The following LPP variants were observed in gnomAD, a reference collection of about 807,000 sequenced individuals.
The protein encoded by LPP is lipoma-preferred partner.
In LPP, 38 loss-of-function variants were observed where a neutral mutation model predicts 60.4. That is an observed-to-expected ratio of 0.63 (90% CI 0.49 to 0.83). The LOEUF is 0.83. LPP is among the 40% of genes least tolerant of loss of function. The pLI is 0.00. For missense variants in LPP, 902 were observed against 783.6 expected, an observed-to-expected ratio of 1.15 and a Z score of -1.80; for synonymous variants, 328 against 290.8, an observed-to-expected ratio of 1.13 and a Z score of -1.30.
chr3:188,866,692 A>AAATATG (rs1455352417), intron 10 of LPP, among the ~76,000 whole-genome samples: 2 of 152,192 alleles, frequency 1.3e-5, no homozygotes, highest in Non-Finnish European at 2.9e-5. Flanking sequence ...ATCCTGGCCT[A>AAATATG]AATATGAACA....
rs1452779042 is a variant in LPP at position 188,607,000 on chromosome 3, G to T, written c.430-2161G>T. ...GCCCCAAGAAAGCAGTTCAAAATTTGCATAGTTTGAAATTGAAAACCAATA... is the reference window on the plus strand; with the variant it reads ...GCCCCAAGAAAGCAGTTCAAAATTTTCATAGTTTGAAATTGAAAACCAATA... On this transcript the variant is annotated intron_variant, in intron 6 of 11. Transcript: ENST00000617246. Among the ~76,000 whole-genome samples the T allele has an allele frequency of 2.6e-5, 4 of 151,946 alleles. 1 individual carries two copies. Among genetic ancestry groups the T allele is most frequent in the Admixed American group, 1.3e-4 (2 of 15,234 alleles).
intron 8 of LPP, among the ~76,000 whole-genome samples, chr3:188,730,833 ACTT>A (rs1304553603): frequency 6.6e-6 from 1 of 152,064 alleles, no homozygotes; most frequent in African/African-American, 2.4e-5. Flanking sequence ...GCTTTTTCTG[ACTT>A]CTAAAAACTG....
intron 7 of LPP, among the ~76,000 whole-genome samples, chr3:188,692,155 A>G (rs1043428780): frequency 1.3e-5 from 2 of 152,142 alleles, no homozygotes; most frequent in African/African-American, 4.8e-5. Context: ...CACCACAGCC[A>G]CGTTGATCCT....
chr3:188,527,660 CA>C (rs1000428512), intron 6 of LPP, among the ~76,000 whole-genome samples: 1 of 151,886 alleles, frequency 6.6e-6, no homozygotes, highest in Non-Finnish European at 1.5e-5. Context: ...GCAAATGCCC[CA>C]AATCTCATCT....
At chr3:188,369,787 T>C (rs1772448319) in intron 3 of LPP, among the ~76,000 whole-genome samples, 1 of 152,176 alleles carries the variant, frequency 6.6e-6, no homozygotes, top group Non-Finnish European at 1.5e-5. Context: ...TTCTTGGGCA[T>C]GTCCTTTCCC....
At chr3:188,773,592 C>T (rs1298338877) in intron 9 of LPP, among the ~76,000 whole-genome samples, 1 of 152,136 alleles carries the variant, frequency 6.6e-6, no homozygotes, top group Non-Finnish European at 1.5e-5. Context: ...TTACTTTACA[C>T]ACTCTTTAAT....
intron 6 of LPP, among the ~76,000 whole-genome samples, chr3:188,558,170 G>A (rs549076545): frequency 6.6e-6 from 1 of 152,062 alleles, no homozygotes; most frequent in Admixed American, 6.6e-5. Flanking sequence ...CCTCATTCTG[G>A]ATAAACTGAT....
chr3:188,335,959 A>G (rs897234580), intron 2 of LPP, among the ~76,000 whole-genome samples: 1 of 152,192 alleles, frequency 6.6e-6, no homozygotes, highest in African/African-American at 2.4e-5. Context: ...GAATAGATGC[A>G]GTGATAGGGT....
intron 3 of LPP, among the ~76,000 whole-genome samples, chr3:188,353,471 T>A (rs1342892165): frequency 6.6e-6 from 1 of 152,250 alleles, no homozygotes; most frequent in Non-Finnish European, 1.5e-5. Flanking sequence ...CTGTCTATTA[T>A]TATCCTTATT....
At chr3:188,862,043 C>T (rs1184438998) in intron 9 of LPP, among the ~76,000 whole-genome samples, 1 of 152,184 alleles carries the variant, frequency 6.6e-6, no homozygotes, top group Non-Finnish European at 1.5e-5. Context: ...TTACCAATTA[C>T]TTACTGTGTG....
At chr3:188,253,226 T>C (rs1730545881) in intron 2 of LPP, among the ~76,000 whole-genome samples, 1 of 152,178 alleles carries the variant, frequency 6.6e-6, no homozygotes, top group South Asian at 2.1e-4. Flanking sequence ...CAGTGTTTTA[T>C]TTTCTTTTCA....
chr3:188,338,175 A>C (rs1391847937), intron 2 of LPP, among the ~76,000 whole-genome samples: 1 of 152,248 alleles, frequency 6.6e-6, no homozygotes, highest in Non-Finnish European at 1.5e-5. Flanking sequence ...AAAATCAGAG[A>C]GGGAAGCAAT....
Position 188,825,366 on chromosome 3 carries a change from CAGA to C in LPP, c.1411-40831_1411-40829del, listed in dbSNP as rs374932212. On this transcript the variant is annotated intron_variant, in intron 9 of 11. Coordinates refer to ENST00000617246, the MANE Select transcript of LPP (RefSeq NM_001375462.1). ...AGAAAGCTGTCACAGCACAGAAGTT[CAGA>C]AGGAGGTACTGTGAAGGTCCCAAAG... Among the ~76,000 whole-genome samples the C allele has an allele frequency of 2.8e-4, 41 of 148,682 alleles. No homozygotes were observed. The East Asian group carries it at 7.1e-3, about 26-fold the overall frequency.
chr3:188,758,925 A>G (rs937293169), intron 8 of LPP, among the ~76,000 whole-genome samples: 3 of 152,246 alleles, frequency 2.0e-5, no homozygotes, highest in African/African-American at 4.8e-5. Flanking sequence ...ATGAGTTAAT[A>G]TATCTAAAGC....
chr3:188,303,191 T>C lies in LPP; in HGVS notation c.-66-38472T>C, dbSNP rs191516916. On this transcript the variant is annotated intron_variant, in intron 2 of 11. Coordinates refer to ENST00000617246, the MANE Select transcript of LPP (RefSeq NM_001375462.1). The stretch of plus-strand genomic sequence containing the variant: ...AGCTACTCACTCTGCTCTTAGATAA[T>C]ACACGAAACACTCAAGACTCCACCA... Among the ~76,000 whole-genome samples, 6 of 152,288 alleles carry C rather than the reference T, an allele frequency of 3.9e-5. No individual in the cohort carries two copies. In the East Asian group the frequency reaches 1.2e-3, roughly 29 times the overall value.
At chr3:188,686,347 T>G (rs1577025392) in intron 7 of LPP, among the ~76,000 whole-genome samples, 1 of 152,102 alleles carries the variant, frequency 6.6e-6, no homozygotes, top group Non-Finnish European at 1.5e-5. Flanking sequence ...AGATCTATAC[T>G]CCTTTAAACT....
At chr3:188,591,236 C>A (rs908646432) in intron 6 of LPP, among the ~76,000 whole-genome samples, 9 of 152,274 alleles carry the variant, frequency 5.9e-5, no homozygotes, top group Admixed American at 5.9e-4. Flanking sequence ...AAATAAATCA[C>A]CCTTTCTCTT....
At chr3:188,527,369 A>T (rs540807369) in intron 6 of LPP, among the ~76,000 whole-genome samples, 1 of 130,256 alleles carries the variant, frequency 7.7e-6, no homozygotes, top group Non-Finnish European at 1.7e-5. Flanking sequence ...AAAAAAAAAA[A>T]AGAGAGAATA....
At chr3:188,172,913 G>A (rs532731901) in intron 1 of LPP, among the ~76,000 whole-genome samples, 5 of 152,282 alleles carry the variant, frequency 3.3e-5, no homozygotes, top group African/African-American at 1.2e-4. Context: ...CCCCTAGGCT[G>A]GGGTCCCCCA....
Sources: gnomAD v4.1 joint callset for allele counts (sites outside exome capture counted in the v4.1 genomes callset) on GRCh38, gnomAD v4.1.1 for gene constraint, MANE v1.5 for transcripts, NCBI Gene and HGNC (gene_info 2026-07-23, HGNC 2026-07-21) for gene names.